Variants in LINGO2 observed in about 807,000 individuals in gnomAD.
LINGO2 encodes leucine rich repeat and Ig domain containing 2, also known as leucine-rich repeat and immunoglobulin-like domain-containing nogo receptor-interacting protein 2.
LINGO2 carries 14 observed loss-of-function variants against 30.6 expected under a neutral mutation model. The observed-to-expected ratio is 0.46, with a 90% CI of 0.30 to 0.72. LINGO2 has a LOEUF of 0.72. Among genes scored for constraint, LINGO2 ranks in the 30% least tolerant of loss-of-function variants. The probability of loss-of-function intolerance (pLI) is 0.07; values close to 1 mark genes in which losing one functional copy is unlikely to be tolerated. For synonymous variants in LINGO2, 317 were observed against 288.5 expected, an observed-to-expected ratio of 1.10 and a Z score of -1.00; for missense variants, 729 against 751.7, an observed-to-expected ratio of 0.97 and a Z score of 0.35.
chr9:28,309,467 T>C (rs4606141), intron 3 of LINGO2, among the ~76,000 whole-genome samples: 15,552 of 151,624 alleles, frequency 0.1, 1,033 homozygotes, highest in Middle Eastern at 0.26. Flanking sequence ...AGCATTAGGA[T>C]ATATACCTAA....
chr9:27,943,438 A>G (rs551686177), downstream of LINGO2: 56 of 152,264 alleles, frequency 3.7e-4, no homozygotes, highest in Admixed American at 3.2e-3. Flanking sequence ...CTCTTTTCTC[A>G]TTCTGCTAAG....
At chr9:28,157,526 G>C (rs1166275180) in intron 4 of LINGO2, among the ~76,000 whole-genome samples, 1 of 152,166 alleles carries the variant, frequency 6.6e-6, no homozygotes, top group African/African-American at 2.4e-5. Flanking sequence ...CATTGTATTG[G>C]GGATTAACAT....
the LINGO2 span, among the ~76,000 whole-genome samples, chr9:28,878,744 A>AT: frequency 2.0e-5 from 3 of 152,176 alleles, no homozygotes; most frequent in Non-Finnish European, 4.4e-5. Context: ...AAACCACATG[A>AT]TTATCTCAAT....
chr9:28,526,810 C>A (rs1042677646), intron 1 of LINGO2, among the ~76,000 whole-genome samples: 5 of 152,052 alleles, frequency 3.3e-5, no homozygotes, highest in Non-Finnish European at 4.4e-5. Flanking sequence ...GGTTTTACAA[C>A]GTAATAGATT....
chr9:27,979,427 C>T (rs568761266), intron 5 of LINGO2, among the ~76,000 whole-genome samples: 43 of 152,052 alleles, frequency 2.8e-4, no homozygotes, highest in Middle Eastern at 6.8e-3. Flanking sequence ...CTTGGTGATC[C>T]AGGGGCAGTC....
chr9:28,107,378 GA>G (rs1445884043), intron 4 of LINGO2, among the ~76,000 whole-genome samples: 1 of 152,024 alleles, frequency 6.6e-6, no homozygotes, highest in Non-Finnish European at 1.5e-5. Context: ...ATTGCCATTT[GA>G]AATTTCATAT....
intron 1 of LINGO2, among the ~76,000 whole-genome samples, chr9:28,542,303 G>C (rs896298978): frequency 1.3e-5 from 2 of 151,866 alleles, no homozygotes; most frequent in Admixed American, 6.6e-5. Flanking sequence ...CAAGCTATCT[G>C]CTGATAGCTC....
At position 28,076,548 on chromosome 9, in the gene LINGO2, C is replaced by A. The variant is rs1462563863; in HGVS notation, c.-86-64143G>T. On this transcript the variant is annotated intron_variant, in intron 4 of 5. Coordinates refer to ENST00000379992, the Ensembl canonical transcript of LINGO2. ...TTAAGAATAGGTTTAAATCTCCCAA[C>A]AAGTATGTCTTATTTTATTTTTGAT... Among the ~76,000 whole-genome samples the A allele has an allele frequency of 5.9e-5, 9 of 151,970 alleles. No homozygotes were observed. In the South Asian group the frequency reaches 1.5e-3, roughly 25 times the overall value.
chr9:29,041,362 G>T, the LINGO2 span, among the ~76,000 whole-genome samples: 1 of 151,942 alleles, frequency 6.6e-6, no homozygotes, highest in Non-Finnish European at 1.5e-5. Context: ...GCACAAGCTA[G>T]CCAGAATAGC....
intron 4 of LINGO2, among the ~76,000 whole-genome samples, chr9:28,055,892 G>A (rs938888493): frequency 1.3e-5 from 2 of 152,120 alleles, no homozygotes; most frequent in African/African-American, 4.8e-5. Flanking sequence ...AGTTAAATGT[G>A]GCTGATTACC....
At chr9:29,020,765 T>C in the LINGO2 span, among the ~76,000 whole-genome samples, 1 of 151,880 alleles carries the variant, frequency 6.6e-6, no homozygotes, top group East Asian at 1.9e-4. Flanking sequence ...ATAAGAGTAA[T>C]AGCACAGAGG....
At chr9:28,637,191 T>G (rs1434730288) in intron 1 of LINGO2, among the ~76,000 whole-genome samples, 1 of 152,186 alleles carries the variant, frequency 6.6e-6, no homozygotes, top group Non-Finnish European at 1.5e-5. Context: ...ATCTCTGTTT[T>G]GGTACCAGTA....
chr9:28,110,855 A>C (rs1826760197), intron 4 of LINGO2, among the ~76,000 whole-genome samples: 2 of 152,176 alleles, frequency 1.3e-5, no homozygotes, highest in Admixed American at 1.3e-4. Context: ...AGAAGCAGAA[A>C]TACCATTTGA....
At chr9:28,146,056 G>A (rs1164365428) in intron 4 of LINGO2, among the ~76,000 whole-genome samples, 1 of 152,180 alleles carries the variant, frequency 6.6e-6, no homozygotes, top group Non-Finnish European at 1.5e-5. Context: ...TTCTACTTTT[G>A]ATTTTTAAAT....
At chr9:28,383,800 CAG>C (rs111781963) in intron 2 of LINGO2, among the ~76,000 whole-genome samples, 2,765 of 152,054 alleles carry the variant, frequency 0.018, 73 homozygotes, top group African/African-American at 0.062. Context: ...ATTAATTAAA[CAG>C]AGATTTTAAT....
chr9:28,893,262 A>C, the LINGO2 span, among the ~76,000 whole-genome samples: 1 of 151,928 alleles, frequency 6.6e-6, no homozygotes, highest in African/African-American at 2.4e-5. Context: ...GAATCCTGCA[A>C]ATTACTTTTC....
At chr9:28,571,004 T>A (rs1286118589) in intron 1 of LINGO2, among the ~76,000 whole-genome samples, 1 of 151,116 alleles carries the variant, frequency 6.6e-6, no homozygotes, top group Non-Finnish European at 1.5e-5. Context: ...AAATTTAAAA[T>A]GAGAAAGTAA....
At chr9:28,624,113 C>T (rs375115882) in intron 1 of LINGO2, among the ~76,000 whole-genome samples, 12 of 152,158 alleles carry the variant, frequency 7.9e-5, no homozygotes, top group African/African-American at 2.6e-4. Flanking sequence ...CTCATATTAT[C>T]TACAAACAAG....
chr9:28,584,246 A>T (rs552329753), intron 1 of LINGO2, among the ~76,000 whole-genome samples: 1 of 152,092 alleles, frequency 6.6e-6, no homozygotes, highest in African/African-American at 2.4e-5. Context: ...TGAGCAATTA[A>T]AATATTTTTG....
Sources: allele counts gnomAD v4.1 joint callset (sites outside exome capture counted in the v4.1 genomes callset), GRCh38; gene constraint gnomAD v4.1.1; transcripts MANE v1.5; gene names NCBI Gene and HGNC (gene_info 2026-07-23, HGNC 2026-07-21).